Variants in IL1RAPL2 observed in about 807,000 individuals in gnomAD.
IL1RAPL2 encodes the protein interleukin 1 receptor accessory protein like 2.
IL1RAPL2 carries 3 observed loss-of-function variants against 44.1 expected under a neutral mutation model. That is an observed-to-expected ratio of 0.07 (90% CI 0.03 to 0.18). The LOEUF is 0.18. Ranked by LOEUF, IL1RAPL2 falls within the 10% of genes least tolerant of loss-of-function variation. The pLI, the probability that IL1RAPL2 is intolerant of heterozygous loss-of-function variation, is 1.00. For synonymous variants in IL1RAPL2, 181 were observed against 178.8 expected (o/e 1.01, Z -0.10); for missense variants, 391 against 496.4 (o/e 0.79, Z 2.02).
At chrX:104,867,991 A>G (rs1922662131) in intron 2 of IL1RAPL2, among the ~76,000 whole-genome samples, 1 of 111,648 alleles carries the variant, frequency 9.0e-6, no homozygotes, top group Non-Finnish European at 1.9e-5. Context: ...CACCATATCA[A>G]GGGATTCAGT....
chrX:105,249,406 G>A (rs1486523466), intron 4 of IL1RAPL2, among the ~76,000 whole-genome samples: 1 of 111,080 alleles, frequency 9.0e-6, no homozygotes, highest in Non-Finnish European at 1.9e-5. Context: ...AAATAGTTAG[G>A]AAAAATGAAT....
At chrX:104,616,081 T>A (rs1395209380) in intron 1 of IL1RAPL2, among the ~76,000 whole-genome samples, 9 of 112,393 alleles carry the variant, frequency 8.0e-5, no homozygotes, top group South Asian at 3.7e-4. Flanking sequence ...GTTGCTTTTT[T>A]AAAAAAATTT....
At chrX:105,624,097 C>A (rs2037437622) in intron 6 of IL1RAPL2, among the ~76,000 whole-genome samples, 1 of 110,014 alleles carries the variant, frequency 9.1e-6, no homozygotes, top group Non-Finnish European at 1.9e-5. Flanking sequence ...TTTTGAAGGC[C>A]CTGAAGAGAA....
At chrX:104,648,862 G>GA (rs1489080367) in intron 1 of IL1RAPL2, among the ~76,000 whole-genome samples, 1 of 111,249 alleles carries the variant, frequency 9.0e-6, no homozygotes, top group African/African-American at 3.3e-5. Context: ...CAAAGCTGGG[G>GA]ACTATGATCA....
intron 3 of IL1RAPL2, among the ~76,000 whole-genome samples, chrX:105,224,485 C>G (rs1432124231): frequency 9.0e-6 from 1 of 111,328 alleles, no homozygotes; most frequent in African/African-American, 3.3e-5. Flanking sequence ...ATCTCTGACA[C>G]AGTAGAGAAT....
At chrX:104,900,617 C>T (rs1923785065) in intron 2 of IL1RAPL2, among the ~76,000 whole-genome samples, 1 of 112,116 alleles carries the variant, frequency 8.9e-6, no homozygotes, top group South Asian at 3.7e-4. Context: ...CTCAGGTCTA[C>T]CATGCATGTC....
At chrX:105,606,772 T>A (rs1321067490) in intron 6 of IL1RAPL2, among the ~76,000 whole-genome samples, 11 of 111,615 alleles carry the variant, frequency 9.9e-5, no homozygotes, top group Admixed American at 9.5e-4. Context: ...GAGATAAATA[T>A]GTCAAGTGAA....
chrX:104,626,458 A>T (rs1479936882), intron 1 of IL1RAPL2, among the ~76,000 whole-genome samples: 1 of 110,797 alleles, frequency 9.0e-6, no homozygotes, highest in Admixed American at 9.8e-5. Flanking sequence ...CCAAATAAAT[A>T]TGAAATATAG....
At chrX:105,325,393 G>A (rs2034928184) in intron 5 of IL1RAPL2, among the ~76,000 whole-genome samples, 1 of 109,636 alleles carries the variant, frequency 9.1e-6, no homozygotes, top group Non-Finnish European at 1.9e-5. Context: ...TTATTGCAAA[G>A]TATAGATATA....
chrX:105,372,338 A>C (rs2035347857), intron 5 of IL1RAPL2, among the ~76,000 whole-genome samples: 1 of 108,471 alleles, frequency 9.2e-6, no homozygotes, highest in East Asian at 2.9e-4. Context: ...TTAGAGACCG[A>C]GGCAGGAGAA....
intron 2 of IL1RAPL2, among the ~76,000 whole-genome samples, chrX:104,772,918 CT>C (rs972860681): frequency 9.1e-6 from 1 of 109,491 alleles, no homozygotes; most frequent in Non-Finnish European, 1.9e-5. Flanking sequence ...TTTTCTTTTT[CT>C]TTTTTTTTGA....
At chrX:104,995,652 G>A (rs777766431) in intron 2 of IL1RAPL2, among the ~76,000 whole-genome samples, 1 of 111,923 alleles carries the variant, frequency 8.9e-6, no homozygotes, top group African/African-American at 3.2e-5. Context: ...AGTCTCAAGA[G>A]CAAAGTCACA....
At chrX:104,582,822 C>CTCTTTCTTTCTT (rs778392028) in intron 1 of IL1RAPL2, among the ~76,000 whole-genome samples, 2,746 of 40,541 alleles carry the variant, frequency 0.068, 168 homozygotes, top group African/African-American at 0.1. Context: ...TCCTTTCTTT[C>CTCTTTCTTTCTT]TCTTTCTTTC....
chrX:104,844,268 A>T (rs1446246108), intron 2 of IL1RAPL2, among the ~76,000 whole-genome samples: 1 of 111,649 alleles, frequency 9.0e-6, no homozygotes, highest in African/African-American at 3.3e-5. Context: ...CAATGTTCGT[A>T]GTACCAAGCA....
chrX:105,711,466 T>G (rs1044009465), intron 6 of IL1RAPL2, among the ~76,000 whole-genome samples: 1 of 111,325 alleles, frequency 9.0e-6, no homozygotes, highest in African/African-American at 3.3e-5. Flanking sequence ...AGAGCCCTTA[T>G]TACCTAATCA....
chrX:105,349,380 G>A (rs927436258), intron 5 of IL1RAPL2, among the ~76,000 whole-genome samples: 1 of 111,937 alleles, frequency 8.9e-6, no homozygotes, highest in Non-Finnish European at 1.9e-5. Context: ...TTTCTTCCTT[G>A]AACAAGCTAA....
intron 2 of IL1RAPL2, among the ~76,000 whole-genome samples, chrX:105,082,861 G>C (rs750035631): frequency 7.2e-5 from 8 of 111,538 alleles, no homozygotes; most frequent in African/African-American, 2.6e-4. Flanking sequence ...GCGCAAAAAG[G>C]CTGAAAATTC....
At chrX:105,276,105 G>A (rs969669804) in intron 5 of IL1RAPL2, among the ~76,000 whole-genome samples, 2 of 112,595 alleles carry the variant, frequency 1.8e-5, no homozygotes, top group Non-Finnish European at 3.7e-5. Flanking sequence ...AGAGGTAGCC[G>A]CTAACAATAC....
intron 7 of IL1RAPL2, among the ~76,000 whole-genome samples, chrX:105,721,347 C>T (rs1284884290): frequency 1.8e-5 from 2 of 109,796 alleles, no homozygotes; most frequent in Non-Finnish European, 3.8e-5. Flanking sequence ...ACCCGGGAGG[C>T]AGGGGTTGCA....
Sources: allele counts gnomAD v4.1 joint callset (sites outside exome capture counted in the v4.1 genomes callset), GRCh38; gene constraint gnomAD v4.1.1; transcripts MANE v1.5; gene names NCBI Gene and HGNC (gene_info 2026-07-23, HGNC 2026-07-21).